PLPP3: variants seen among roughly 807,000 people sequenced by gnomAD.
The protein encoded by PLPP3 is phospholipid phosphatase 3.
PLPP3 carries 6 observed loss-of-function variants against 29.6 expected under a neutral mutation model. The ratio of observed to expected loss-of-function variants is 0.20; its 90% CI spans 0.11 to 0.40. PLPP3 has a LOEUF of 0.40. Ranked by LOEUF, PLPP3 falls within the 10% of genes least tolerant of loss-of-function variation. The pLI is 1.00. For synonymous variants in PLPP3, 152 were observed against 159.7 expected (o/e 0.95, Z 0.36); for missense variants, 308 against 407.7 (o/e 0.76, Z 2.11).
chr1:56,513,512 C>T (rs1250519017), intron 4 of PLPP3: 1 of 152,352 alleles, frequency 6.6e-6, no homozygotes, highest in African/African-American at 2.4e-5. Flanking sequence ...CACCTTCCTT[C>T]GGTGGCAAGA....
rs1645837256 is a variant in PLPP3 at position 56,524,153 on chromosome 1, T to C, written c.575+124A>G. 1.7e-6 allele frequency: 2 copies of C among 1,191,472 alleles called. No individual in the cohort carries two copies. Among genetic ancestry groups the C allele is most frequent in the Admixed American group, 4.7e-5 (2 of 42,944 alleles). The allele number at this position is 1,191,472 out of a possible 1,614,324, so 73.8% of individuals were successfully genotyped here. Reference sequence around the variant, plus strand: ...TCTGTCTCAATCATCTGACTGTGAGTTCCTCAAGAATAGGAACTATGCCTT... The same window carrying C: ...TCTGTCTCAATCATCTGACTGTGAGCTCCTCAAGAATAGGAACTATGCCTT... On this transcript the variant is annotated intron_variant, in intron 3 of 5. Coordinates refer to ENST00000371250, the MANE Select transcript of PLPP3 (RefSeq NM_003713.5). The surrounding 1 kb of genome is among the most constrained non-coding windows in gnomAD (Gnocchi z 4.3).
chr1:56,523,294 T>A (rs1645831496), intron 4 of PLPP3, among the ~76,000 whole-genome samples: 1 of 152,180 alleles, frequency 6.6e-6, no homozygotes, highest in African/African-American at 2.4e-5. Context: ...TGCAAAAAAA[T>A]TTATCAGAAG....
At position 56,579,195 on chromosome 1, in the gene PLPP3, T is replaced by C; in HGVS notation, c.-179A>G. 8.8e-6 allele frequency: 6 copies of C among 684,704 alleles called. No homozygotes were observed. Among genetic ancestry groups the C allele is most frequent in the Middle Eastern group, 4.1e-4 (1 of 2,424 alleles). 42.4% of individuals were successfully genotyped at this position (684,704 alleles called of 1,614,324 possible). A position where few individuals can be genotyped will look rare whatever the true frequency, so the allele number is the denominator to read the frequency against. On this transcript the variant is annotated 5_prime_UTR_variant, in exon 1 of 6. Transcript: ENST00000371250. Reference sequence around the variant, plus strand: ...GCTGCCTGCCTCCAACTGCAGAAGGTGGTGTTTTCTGCTCCTCCTGCGCGC... The same window carrying C: ...GCTGCCTGCCTCCAACTGCAGAAGGCGGTGTTTTCTGCTCCTCCTGCGCGC...
intron 1 of PLPP3, among the ~76,000 whole-genome samples, chr1:56,568,914 C>T (rs928652585): frequency 3.3e-5 from 5 of 151,514 alleles, no homozygotes; most frequent in African/African-American, 7.3e-5. Flanking sequence ...CGTGAGCCAC[C>T]GCGCCCGGCC....
chr1:56,577,826 G>A (rs537384983), intron 1 of PLPP3, among the ~76,000 whole-genome samples: 131 of 152,166 alleles, frequency 8.6e-4, no homozygotes, highest in Non-Finnish European at 1.4e-3. Context: ...AGGAAACTGA[G>A]GCCCATGAGG....
intron 1 of PLPP3, among the ~76,000 whole-genome samples, chr1:56,556,291 T>C (rs1042978665): frequency 9.2e-5 from 14 of 152,182 alleles, no homozygotes; most frequent in African/African-American, 3.4e-4. Context: ...TGGGGGAATT[T>C]GGTCACAGAG....
chr1:56,521,333 C>T (rs1403468655), intron 4 of PLPP3, among the ~76,000 whole-genome samples: 1 of 151,540 alleles, frequency 6.6e-6, no homozygotes, highest in East Asian at 1.9e-4. Context: ...CACATAAACA[C>T]ATGCCCTGGC....
At chr1:56,504,550 G>C (rs971310304) in intron 5 of PLPP3, among the ~76,000 whole-genome samples, 5 of 152,094 alleles carry the variant, frequency 3.3e-5, no homozygotes, top group African/African-American at 1.2e-4. Flanking sequence ...GAAGCTGAAA[G>C]GGAGAATGAG....
intron 2 of PLPP3, among the ~76,000 whole-genome samples, chr1:56,532,665 TC>T (rs1370838434): frequency 6.6e-6 from 1 of 152,148 alleles, no homozygotes; most frequent in African/African-American, 2.4e-5. Flanking sequence ...CAGGACATTT[TC>T]CCCTGCTCTG....
At chr1:56,528,279 A>G (rs1310609627) in intron 2 of PLPP3, among the ~76,000 whole-genome samples, 1 of 152,216 alleles carries the variant, frequency 6.6e-6, no homozygotes, top group Non-Finnish European at 1.5e-5. Flanking sequence ...GAAGGGCTGC[A>G]GTTTGGAGAG....
chr1:56,500,805 G>C (rs537167005), intron 5 of PLPP3, among the ~76,000 whole-genome samples: 2 of 152,166 alleles, frequency 1.3e-5, no homozygotes, highest in East Asian at 3.9e-4. Context: ...AGGAGTTAGA[G>C]ACCAGCCTGG....
At chr1:56,522,205 A>C (rs919788464) in intron 4 of PLPP3, among the ~76,000 whole-genome samples, 12 of 152,240 alleles carry the variant, frequency 7.9e-5, no homozygotes, top group African/African-American at 2.9e-4. Flanking sequence ...ACTGAGAAGC[A>C]AATGTCACAG....
intron 2 of PLPP3, among the ~76,000 whole-genome samples, chr1:56,533,579 TG>T (rs1277976961): frequency 1.3e-5 from 2 of 149,432 alleles, no homozygotes; most frequent in African/African-American, 2.5e-5. Flanking sequence ...TTGAGTTAGC[TG>T]TAAGAATCAA....
At chr1:56,498,259 C>G (rs376629327) in intron 5 of PLPP3, among the ~76,000 whole-genome samples, 18 of 152,268 alleles carry the variant, frequency 1.2e-4, no homozygotes, top group African/African-American at 4.1e-4. Flanking sequence ...CAGAGTCAAA[C>G]TTGAGGATCA....
intron 1 of PLPP3, among the ~76,000 whole-genome samples, chr1:56,576,620 A>G (rs1208662666): frequency 6.6e-6 from 1 of 152,214 alleles, no homozygotes; most frequent in African/African-American, 2.4e-5. Flanking sequence ...ACCCCTGAAA[A>G]CAAGTAGCTA....
At chr1:56,559,658 T>C (rs1646108058) in intron 1 of PLPP3, among the ~76,000 whole-genome samples, 2 of 152,110 alleles carry the variant, frequency 1.3e-5, no homozygotes, top group Admixed American at 1.3e-4. Flanking sequence ...CTAATATCTG[T>C]TTTGCAAAAT....
intron 1 of PLPP3, among the ~76,000 whole-genome samples, chr1:56,554,344 G>A (rs913904194): frequency 2.0e-5 from 3 of 151,962 alleles, no homozygotes; most frequent in South Asian, 2.1e-4. Context: ...AGGCCGAGGC[G>A]GGTGGATTAT....
At chr1:56,515,128 C>T (rs1006820562) in intron 4 of PLPP3, among the ~76,000 whole-genome samples, 1 of 152,140 alleles carries the variant, frequency 6.6e-6, no homozygotes, top group African/African-American at 2.4e-5. Flanking sequence ...CCTGAGCCTC[C>T]ATTTTCTCAC....
intron 4 of PLPP3, among the ~76,000 whole-genome samples, chr1:56,517,219 C>T (rs1026649026): frequency 1.3e-5 from 2 of 152,248 alleles, no homozygotes; most frequent in African/African-American, 4.8e-5. Context: ...CAGTCCAGAC[C>T]ACTGACACCC....
Sources: gnomAD v4.1 joint callset for allele counts (sites outside exome capture counted in the v4.1 genomes callset) on GRCh38, gnomAD v4.1.1 for gene constraint, Gnocchi (gnomAD v3.1) non-coding constraint, MANE v1.5 for transcripts, NCBI Gene and HGNC (gene_info 2026-07-23, HGNC 2026-07-21) for gene names.